Variants in IRF2 observed in about 807,000 individuals in gnomAD.
The protein encoded by IRF2 is interferon regulatory factor 2.
A neutral mutation model predicts 40.6 loss-of-function variants in IRF2; 15 were observed. The observed-to-expected ratio is 0.37, with a 90% confidence interval of 0.25 to 0.57. IRF2 has a LOEUF of 0.57. Among genes scored for constraint, IRF2 ranks in the 20% least tolerant of loss-of-function variants. The pLI is 0.77. For synonymous variants in IRF2, 151 were observed against 165.5 expected (o/e 0.91, Z 0.67); for missense variants, 317 against 455.7 (o/e 0.70, Z 2.77).
At chr4:184,423,439 C>T (rs929612955) in intron 2 of IRF2, among the ~76,000 whole-genome samples, 1 of 152,198 alleles carries the variant, frequency 6.6e-6, no homozygotes, top group African/African-American at 2.4e-5. Context: ...TCCTCTGCCT[C>T]TTCTTCCCCC....
At chr4:184,414,661 A>T (rs1418427674) in intron 5 of IRF2, among the ~76,000 whole-genome samples, 1 of 152,264 alleles carries the variant, frequency 6.6e-6, no homozygotes, top group Non-Finnish European at 1.5e-5. Flanking sequence ...CACATGGCCA[A>T]TGGGCCTTGG....
At chr4:184,438,856 A>G (rs558111746) in intron 1 of IRF2, among the ~76,000 whole-genome samples, 1 of 152,290 alleles carries the variant, frequency 6.6e-6, no homozygotes, top group Non-Finnish European at 1.5e-5. Flanking sequence ...ATGAGAGAGG[A>G]AGCATGGCCT....
At chr4:184,426,729 C>G (rs60765457) in intron 2 of IRF2, among the ~76,000 whole-genome samples, 27,609 of 152,156 alleles carry the variant, frequency 0.18, 2,748 homozygotes, top group Admixed American at 0.29. Context: ...GACACTGTCT[C>G]TTCTCCACTG....
At chr4:184,404,727 CA>C (rs1355885784) in intron 6 of IRF2, among the ~76,000 whole-genome samples, 1 of 152,112 alleles carries the variant, frequency 6.6e-6, no homozygotes, top group African/African-American at 2.4e-5. Flanking sequence ...ACTCGAGAGC[CA>C]TGGTGGGAGA....
chr4:184,437,885 A>G (rs1431080590), intron 1 of IRF2, among the ~76,000 whole-genome samples: 1 of 152,006 alleles, frequency 6.6e-6, no homozygotes, highest in Non-Finnish European at 1.5e-5. Flanking sequence ...GGAATCTAAC[A>G]GCAGTGTTTA....
At position 184,414,427 on chromosome 4, in the gene IRF2, A is replaced by C. The variant is rs371933608; in HGVS notation, c.411+3740T>G. On this transcript the variant is annotated intron_variant, in intron 5 of 8. Transcript: ENST00000393593. ...TGCAATCACGGCTCACTGCAGCCTC[A>C]AACTCCTGGGCTCAAGCCATCCTCC... 2.3e-4 allele frequency among the ~76,000 whole-genome samples: 35 copies of C among 152,288 alleles called. 1 individual carries two copies. In the East Asian group the frequency reaches 6.8e-3, roughly 29 times the overall value.
At chr4:184,443,926 C>T (rs1561117297) in intron 1 of IRF2, among the ~76,000 whole-genome samples, 1 of 152,204 alleles carries the variant, frequency 6.6e-6, no homozygotes. Context: ...TGACCCTTAG[C>T]TTATTAATTT....
chr4:184,398,939 T>C lies in IRF2; in HGVS notation c.670A>G (p.Ile224Val), dbSNP rs187952756. The C allele has an allele frequency of 6.2e-7, 1 of 1,609,562 alleles. No individual in the cohort carries two copies. The highest frequency in any genetic ancestry group is 1.3e-5 in the African/African-American group (1 of 74,590). The part of the protein sequence containing the change: ...VSMSELYPLQ[I>V]SPVSSYAESE... Reference sequence around the variant, plus strand: ...CCTGCATAGGAAGACACGGGGGAGATCTGCAGAGGGTAGAGCTCGCTCATG... The same window carrying C: ...CCTGCATAGGAAGACACGGGGGAGACCTGCAGAGGGTAGAGCTCGCTCATG... Residue 224 changes from isoleucine to valine, a missense_variant, in exon 7 of 9, where the codon ATC (isoleucine) becomes GTC (valine). By Grantham distance (29) the Ile-to-Val change is conservative (BLOSUM62 3). Transcript: ENST00000393593.
chr4:184,469,362 T>A (rs951000797), intron 1 of IRF2, among the ~76,000 whole-genome samples: 11 of 152,178 alleles, frequency 7.2e-5, no homozygotes, highest in African/African-American at 2.7e-4. Context: ...CTGGAAGTCA[T>A]ATGTGTTTCT....
rs534743373 is a variant in IRF2, at chr4:184,455,886, G to C, written c.-7+18493C>G. Among the ~76,000 whole-genome samples, 4 of 152,246 alleles carry C rather than the reference G, an allele frequency of 2.6e-5. No individual in the cohort carries two copies. In the East Asian group the frequency reaches 7.7e-4, roughly 29 times the overall value. On this transcript the variant is annotated intron_variant, in intron 1 of 8. Coordinates refer to ENST00000393593, the MANE Select transcript of IRF2 (RefSeq NM_002199.4). Reference sequence around the variant, plus strand: ...ACCCCGAGCCAACCGCATGAAAATCGCTGTGTGCCAAGCATTATCTAAAGC... The same window carrying C: ...ACCCCGAGCCAACCGCATGAAAATCCCTGTGTGCCAAGCATTATCTAAAGC...
intron 1 of IRF2, among the ~76,000 whole-genome samples, chr4:184,473,131 C>A (rs897406008): frequency 2.6e-5 from 4 of 151,966 alleles, no homozygotes; most frequent in Non-Finnish European, 5.9e-5. Context: ...ACCGGCGAGG[C>A]GGAAAGGAAG....
chr4:184,430,387 C>T (rs1478160123), intron 1 of IRF2, among the ~76,000 whole-genome samples: 2 of 152,150 alleles, frequency 1.3e-5, no homozygotes, highest in African/African-American at 2.4e-5. Flanking sequence ...ACACCTCCTG[C>T]TCCGTGCTCA....
intron 5 of IRF2, among the ~76,000 whole-genome samples, chr4:184,411,815 A>G (rs1737083249): frequency 6.6e-6 from 1 of 151,616 alleles, no homozygotes; most frequent in Non-Finnish European, 1.5e-5. Context: ...CCTCTCCTGG[A>G]CCCCCGATGC....
chr4:184,397,389 G>A (rs748285709), intron 7 of IRF2, among the ~76,000 whole-genome samples: 11 of 152,126 alleles, frequency 7.2e-5, no homozygotes, highest in Non-Finnish European at 7.4e-5. Context: ...TTTCAGTTTC[G>A]CAAGATGAAA....
chr4:184,466,137 G>A (rs1579118883), intron 1 of IRF2, among the ~76,000 whole-genome samples: 1 of 145,900 alleles, frequency 6.9e-6, no homozygotes, highest in South Asian at 2.3e-4. Context: ...TGCAACCTCC[G>A]CCGCCTGGGT....
In IRF2 at chr4:184,423,879, A is replaced by G. The variant is rs552717247; in HGVS notation, c.88-4311T>C. Among the ~76,000 whole-genome samples, 32 of 152,378 alleles carry G rather than the reference A, an allele frequency of 2.1e-4. No homozygotes were observed. The South Asian group carries it at 5.8e-3, about 28-fold the overall frequency. On this transcript the variant is annotated intron_variant, in intron 2 of 8. Coordinates refer to ENST00000393593, the MANE Select transcript of IRF2 (RefSeq NM_002199.4). ...CTTTGAATTCTGATTTGAACAAATC[A>G]ACTGTAAAAAGATTATTTGGGAATA...
intron 1 of IRF2, among the ~76,000 whole-genome samples, chr4:184,473,052 G>T (rs1220850010): frequency 6.6e-6 from 1 of 151,588 alleles, no homozygotes; most frequent in Non-Finnish European, 1.5e-5. Context: ...CCGGCCCCCA[G>T]GCCGTGCCAC....
chr4:184,389,600 T>C (rs1389839715), intron 8 of IRF2, among the ~76,000 whole-genome samples: 2 of 151,642 alleles, frequency 1.3e-5, no homozygotes, highest in Non-Finnish European at 2.9e-5. Context: ...TTCCCTTTTC[T>C]TTTTTTTTAA....
At chr4:184,449,660 G>T (rs1433978953) in intron 1 of IRF2, among the ~76,000 whole-genome samples, 2 of 152,232 alleles carry the variant, frequency 1.3e-5, no homozygotes, top group Admixed American at 1.3e-4. Context: ...CAATGCGTGG[G>T]AAATGCCATC....
Sources: gnomAD v4.1 joint callset for allele counts (sites outside exome capture counted in the v4.1 genomes callset) on GRCh38, gnomAD v4.1.1 for gene constraint, MANE v1.5 for transcripts, NCBI Gene and HGNC (gene_info 2026-07-23, HGNC 2026-07-21) for gene names.